PICALM: variants seen among roughly 807,000 people sequenced by gnomAD.
PICALM encodes the protein phosphatidylinositol binding clathrin assembly protein, also known as phosphatidylinositol-binding clathrin assembly protein.
A neutral mutation model predicts 80.5 loss-of-function variants in PICALM; 40 were observed. The ratio of observed to expected loss-of-function variants is 0.50; its 90% CI spans 0.39 to 0.65. The LOEUF (loss-of-function observed/expected upper bound fraction) is 0.65, where lower values mean the gene tolerates loss of function less well. Ranked by LOEUF, PICALM falls within the 30% of genes least tolerant of loss-of-function variation. The pLI, the probability that PICALM is intolerant of heterozygous loss-of-function variation, is 0.00. For missense variants in PICALM, 676 were observed against 778.9 expected, an observed-to-expected ratio of 0.87 and a Z score of 1.57; for synonymous variants, 288 against 260.3, an observed-to-expected ratio of 1.11 and a Z score of -1.02.
chr11:85,987,611 T>C (rs1442013078), intron 13 of PICALM, among the ~76,000 whole-genome samples: 3 of 152,242 alleles, frequency 2.0e-5, no homozygotes, highest in Non-Finnish European at 4.4e-5. Flanking sequence ...CTAATTATGA[T>C]GTGGTCCACA....
rs1046700690 is a variant in PICALM, at chr11:86,000,852, T to C, written c.1018-73A>G. On this transcript the variant is annotated intron_variant, in intron 10 of 19. Transcript: ENST00000393346. Reference sequence around the variant, plus strand: ...TTGTACAGCCTCTGAAAAAAGCATTTTCTAATTTGTTCTGATAGCAGATAT... The same window carrying C: ...TTGTACAGCCTCTGAAAAAAGCATTCTCTAATTTGTTCTGATAGCAGATAT... 14 of 1,534,348 alleles carry C rather than the reference T, an allele frequency of 9.1e-6. No individual in the cohort carries two copies. The African/African-American group carries it at 1.5e-4, about 17-fold the overall frequency.
intron 1 of PICALM, among the ~76,000 whole-genome samples, chr11:86,038,037 G>A (rs1565506393): frequency 6.6e-6 from 1 of 152,204 alleles, no homozygotes; most frequent in Admixed American, 6.5e-5. Flanking sequence ...AAGAGTGGCT[G>A]GGCCAGGCAT....
intron 17 of PICALM, chr11:85,978,116 T>A: frequency 6.2e-7 from 1 of 1,603,836 alleles, no homozygotes; most frequent in Non-Finnish European, 8.5e-7. Context: ...GGGAGAACAA[T>A]TACATAATGC....
At chr11:86,058,104 G>A (rs1022037379) in intron 1 of PICALM, among the ~76,000 whole-genome samples, 6 of 152,056 alleles carry the variant, frequency 3.9e-5, no homozygotes, top group African/African-American at 9.7e-5. Flanking sequence ...AATACCACCC[G>A]CTATTTATTT....
At chr11:85,980,033 T>C (rs1473111544) in intron 17 of PICALM, among the ~76,000 whole-genome samples, 2 of 152,220 alleles carry the variant, frequency 1.3e-5, no homozygotes, top group Non-Finnish European at 2.9e-5. Context: ...ATACAGTTAA[T>C]CCTCATTATT....
intron 19 of PICALM, among the ~76,000 whole-genome samples, chr11:85,961,796 A>G (rs1173493262): frequency 6.6e-6 from 1 of 152,188 alleles, no homozygotes; most frequent in Non-Finnish European, 1.5e-5. Flanking sequence ...TCATACTTCA[A>G]CATTCAAATC....
intron 4 of PICALM, among the ~76,000 whole-genome samples, chr11:86,019,853 A>G (rs964353504): frequency 6.6e-6 from 1 of 152,214 alleles, no homozygotes; most frequent in Non-Finnish European, 1.5e-5. Context: ...CAATAGAACA[A>G]TCTAAAGGAA....
At position 86,068,782 on chromosome 11, in the gene PICALM, T is replaced by G; in HGVS notation, c.-2A>C. On this transcript the variant is annotated 5_prime_UTR_variant, in exon 1 of 20. Coordinates refer to ENST00000393346, the MANE Select transcript of PICALM (RefSeq NM_007166.4). ...GTCCGTCAGGCTCTGGCCGGACATCTCTGCAGCTCCTCCACCACCCCACCC... is the reference window on the plus strand; with the variant it reads ...GTCCGTCAGGCTCTGGCCGGACATCGCTGCAGCTCCTCCACCACCCCACCC... 2 of 1,604,646 alleles carry G rather than the reference T, an allele frequency of 1.2e-6. No individual in the cohort carries two copies. Among genetic ancestry groups the G allele is most frequent in the South Asian group, 1.1e-5 (1 of 90,372 alleles).
At chr11:86,027,411 G>T (rs892463555) in intron 2 of PICALM, among the ~76,000 whole-genome samples, 6 of 151,808 alleles carry the variant, frequency 4.0e-5, no homozygotes, top group African/African-American at 1.4e-4. Flanking sequence ...CGCTTCTTAG[G>T]ATTACTTTAC....
chr11:85,988,921 C>T (rs937004752), intron 13 of PICALM, among the ~76,000 whole-genome samples: 3 of 152,232 alleles, frequency 2.0e-5, no homozygotes, highest in Admixed American at 1.3e-4. Flanking sequence ...CCAACACTAT[C>T]GTGTCCTCTA....
intron 1 of PICALM, among the ~76,000 whole-genome samples, chr11:86,057,711 T>C (rs1013613376): frequency 1.3e-5 from 2 of 152,262 alleles, no homozygotes; most frequent in African/African-American, 2.4e-5. Context: ...GCGCAGACAT[T>C]TTTCCTTGTC....
intron 1 of PICALM, among the ~76,000 whole-genome samples, chr11:86,032,457 T>C (rs2095769650): frequency 6.6e-6 from 1 of 151,982 alleles, no homozygotes. Flanking sequence ...ACCCCATCTT[T>C]ACTAATAATA....
chr11:86,047,201 T>C (rs911603970), intron 1 of PICALM, among the ~76,000 whole-genome samples: 13 of 152,222 alleles, frequency 8.5e-5, no homozygotes, highest in African/African-American at 1.7e-4. Context: ...GTGAGACTTA[T>C]CATTTTCTCT....
intron 2 of PICALM, among the ~76,000 whole-genome samples, chr11:86,029,668 G>C (rs1307883761): frequency 6.6e-6 from 1 of 152,054 alleles, no homozygotes; most frequent in East Asian, 1.9e-4. Flanking sequence ...CAGTGTAGCT[G>C]GTTATATTTG....
At chr11:86,066,639 C>T (rs1269561176) in intron 1 of PICALM, among the ~76,000 whole-genome samples, 1 of 151,326 alleles carries the variant, frequency 6.6e-6, no homozygotes, top group African/African-American at 2.4e-5. Context: ...AAATAAGACA[C>T]AAACCTTTAC....
chr11:86,046,734 G>C (rs944972461), intron 1 of PICALM, among the ~76,000 whole-genome samples: 2 of 152,108 alleles, frequency 1.3e-5, no homozygotes, highest in Non-Finnish European at 2.9e-5. Context: ...TCTTAATAAA[G>C]ACAGGGTCTT....
intron 13 of PICALM, among the ~76,000 whole-genome samples, chr11:85,984,477 T>C (rs1239150958): frequency 1.3e-5 from 2 of 152,154 alleles, no homozygotes; most frequent in Non-Finnish European, 2.9e-5. Flanking sequence ...AAAAGCGAAA[T>C]AGCTTAAGTT....
At chr11:85,986,080 C>T (rs2094562240) in intron 13 of PICALM, among the ~76,000 whole-genome samples, 2 of 151,950 alleles carry the variant, frequency 1.3e-5, no homozygotes, top group Admixed American at 6.6e-5. Context: ...TAACCCAGAA[C>T]TTGTATCTCA....
chr11:85,978,617 C>T (rs949539023), intron 17 of PICALM: 11 of 151,930 alleles, frequency 7.2e-5, no homozygotes, highest in African/African-American at 2.2e-4. Context: ...CATTATCAGC[C>T]CCAAACATTA....
Sources: allele counts gnomAD v4.1 joint callset (sites outside exome capture counted in the v4.1 genomes callset), GRCh38; gene constraint gnomAD v4.1.1; transcripts MANE v1.5; gene names NCBI Gene and HGNC (gene_info 2026-07-23, HGNC 2026-07-21).